The following H6PD variants were observed in gnomAD, a reference collection of about 807,000 sequenced individuals.
H6PD encodes hexose-6-phosphate dehydrogenase/glucose 1-dehydrogenase.
Under a neutral mutation model 61.2 loss-of-function variants are expected in H6PD, and 48 were observed. The observed-to-expected ratio is 0.78, with a 90% CI of 0.62 to 1.00. H6PD has a LOEUF of 1.00. H6PD is among the 50% of genes least tolerant of loss of function. The pLI is 0.00. For missense variants in H6PD, 1,093 were observed against 1,065.0 expected (o/e 1.03, Z -0.37); for synonymous variants, 480 against 457.9 (o/e 1.05, Z -0.62).
Position 9,265,000 on chromosome 1 carries a change from A to G in H6PD, c.*131A>G. ...ACCTTCTATCCCACAGTCAGGCCCCAGAGAGGGCAGGACAAGCCTTGTCCC... is the reference window on the plus strand; with the variant it reads ...ACCTTCTATCCCACAGTCAGGCCCCGGAGAGGGCAGGACAAGCCTTGTCCC... On this transcript the variant is annotated 3_prime_UTR_variant, in exon 5 of 5. Coordinates refer to ENST00000377403, the MANE Select transcript of H6PD (RefSeq NM_004285.4). 1 of 954,070 alleles carries G rather than the reference A, an allele frequency of 1.0e-6. No individual in the cohort carries two copies. The highest frequency in any genetic ancestry group is 1.6e-6 in the Non-Finnish European group (1 of 615,116). The allele number at this position is 954,070 out of a possible 1,614,324, so 59.1% of individuals were successfully genotyped here.
rs1007595191 is a variant in H6PD, at chr1:9,265,576, A to G, written c.*707A>G. ...CTTTGCTGTTCTTCAGACTCCATTT[A>G]TAGAGAATGAGGGCTGATAACAGGA... On this transcript the variant is annotated 3_prime_UTR_variant, in exon 5 of 5. Coordinates refer to ENST00000377403, the MANE Select transcript of H6PD (RefSeq NM_004285.4). 6.3e-6 allele frequency: 1 copy of G among 157,690 alleles called. No homozygotes were observed. Among genetic ancestry groups the G allele is most frequent in the Non-Finnish European group, 1.4e-5 (1 of 71,184 alleles). 9.8% of individuals were successfully genotyped at this position (157,690 alleles called of 1,614,324 possible). A position where few individuals can be genotyped will look rare whatever the true frequency, so the allele number is the denominator to read the frequency against.
At chr1:9,235,232 A>C (rs1010076825) in intron 1 of H6PD, among the ~76,000 whole-genome samples, 166 bp downstream of exon 1, 1 of 151,904 alleles carries the variant, frequency 6.6e-6, no homozygotes, top group Non-Finnish European at 1.5e-5. Context: ...GGCTCCCTCC[A>C]GGGTCGCCCC....
At chr1:9,261,989 G>A (rs1361461647) in intron 3 of H6PD, 70 bp from the exon 4 acceptor site, 6 of 1,508,734 alleles carry the variant, frequency 4.0e-6, no homozygotes, top group Non-Finnish European at 4.6e-6. Flanking sequence ...GGGTTTTGGT[G>A]CACCTCGGGG....
intron 1 of H6PD, among the ~76,000 whole-genome samples, chr1:9,242,042 C>CT (rs1557735595): frequency 6.6e-6 from 1 of 152,192 alleles, no homozygotes; most frequent in Non-Finnish European, 1.5e-5. Context: ...CCATTTGAGA[C>CT]TGTTTCGAAA....
chr1:9,247,016 C>G lies in H6PD; in HGVS notation c.678C>G (p.Asp226Glu). The G allele has an allele frequency of 6.2e-7, 1 of 1,613,982 alleles. No homozygotes were observed. The highest frequency in any genetic ancestry group is 8.5e-7 in the Non-Finnish European group (1 of 1,179,922). Residue 226 changes from aspartate (D) to glutamate (E), a missense_variant, in exon 3 of 5, where the codon GAC (aspartate) becomes GAG (glutamate). By Grantham distance (45) the Asp-to-Glu change is conservative (BLOSUM62 2). Transcript: ENST00000377403. ...PFRDQNRKAL[D>E]GLWNRHHVER... ...GAGACCAGAACCGCAAGGCTTTGGA[C>G]GGCCTCTGGAACCGGCACCATGTGG...
At chr1:9,262,421 A>T (rs1638352269) in intron 4 of H6PD, 93 bp downstream of exon 4, 2 of 1,203,942 alleles carry the variant, frequency 1.7e-6, no homozygotes, top group Admixed American at 4.1e-5. Flanking sequence ...AGTGGAGGGG[A>T]CTTGAGGTGG....
Position 9,265,069 on chromosome 1 carries a change from G to A in H6PD, c.*200G>A. 1 of 640,310 alleles carries A rather than the reference G, an allele frequency of 1.6e-6. No homozygotes were observed. Among genetic ancestry groups the A allele is most frequent in the Non-Finnish European group, 2.8e-6 (1 of 358,566 alleles). The allele number at this position is 640,310 out of a possible 1,614,324, so 39.7% of individuals were successfully genotyped here. A position where few individuals can be genotyped will look rare whatever the true frequency, so the allele number is the denominator to read the frequency against. ...CTCTGTGTATTGGTGGATAGATGCA[G>A]AAACAAGGAAGAAATGGAGTCTGCT... On this transcript the variant is annotated 3_prime_UTR_variant, in exon 5 of 5. Coordinates refer to ENST00000377403, the MANE Select transcript of H6PD (RefSeq NM_004285.4).
intron 3 of H6PD, among the ~76,000 whole-genome samples, chr1:9,259,633 A>G (rs1466655670): frequency 6.6e-6 from 1 of 151,378 alleles, no homozygotes. Flanking sequence ...TATTGCTGTT[A>G]TTAAGCTGGT....
chr1:9,248,203 C>T (rs918153237), intron 3 of H6PD, among the ~76,000 whole-genome samples: 5 of 152,238 alleles, frequency 3.3e-5, no homozygotes, highest in East Asian at 3.9e-4. Flanking sequence ...AGTGCGTGCC[C>T]GCCACAGGGC....
Position 9,265,323 on chromosome 1 carries a change from G to T in H6PD, c.*454G>T. On this transcript the variant is annotated 3_prime_UTR_variant, in exon 5 of 5. Transcript: ENST00000377403. ...GAGCATGATTGGTAGACAGAAGGGT[G>T]CAGAGGCGCCCAGGGGAGTACATTG... The T allele has an allele frequency of 3.0e-6, 1 of 331,528 alleles. No homozygotes were observed. Among genetic ancestry groups the T allele is most frequent in the South Asian group, 2.5e-5 (1 of 39,838 alleles). The allele number at this position is 331,528 out of a possible 1,614,324, so 20.5% of individuals were successfully genotyped here. A position where few individuals can be genotyped will look rare whatever the true frequency, so the allele number is the denominator to read the frequency against.
intron 3 of H6PD, among the ~76,000 whole-genome samples, chr1:9,248,780 C>T (rs185960226): frequency 3.5e-4 from 53 of 152,302 alleles, no homozygotes; most frequent in Non-Finnish European, 5.6e-4. Flanking sequence ...GGTTTCTCTA[C>T]TTCAGAACCC....
intron 4 of H6PD, among the ~76,000 whole-genome samples, chr1:9,262,554 G>A (rs1458735695): frequency 6.6e-6 from 1 of 152,224 alleles, no homozygotes; most frequent in Admixed American, 6.5e-5. Flanking sequence ...AATGGCCATG[G>A]CCTCGTGTCA....
Position 9,262,333 on chromosome 1 carries a change from G to T in H6PD, c.1015+5G>T. ...GCCTGACGCCGACCTTCGCAGGTGG[G>T]CCCTGGGGCTGGGCATGGGGCACTG... is the stretch of plus-strand genomic sequence containing the variant. On this transcript the variant is annotated splice_donor_5th_base_variant and intron_variant, in intron 4 of 4. Transcript: ENST00000377403. 2 of 1,596,794 alleles carry T rather than the reference G, an allele frequency of 1.3e-6. No homozygotes were observed. Among genetic ancestry groups the T allele is most frequent in the East Asian group, 2.3e-5 (1 of 44,102 alleles).
At position 9,270,830 on chromosome 1, in the gene H6PD, C is replaced by G. The variant is rs1638724852; in HGVS notation, c.*5961C>G. On this transcript the variant is annotated 3_prime_UTR_variant, in exon 5 of 5. Transcript: ENST00000377403. ...TGTGGGCATGAGAGCCACCCATTGC[C>G]AAGCAGCAAGAATGTTCGTGCTTTT... is the stretch of plus-strand genomic sequence containing the variant. 6.6e-6 allele frequency: 1 copy of G among 152,242 alleles called. No individual in the cohort carries two copies. The highest frequency in any genetic ancestry group is 6.5e-5 in the Admixed American group (1 of 15,284). 9.4% of individuals were successfully genotyped at this position (152,242 alleles called of 1,614,324 possible).
chr1:9,247,183 G>T, intron 3 of H6PD, 100 bp downstream of exon 3: 1 of 845,212 alleles, frequency 1.2e-6, no homozygotes, highest in Non-Finnish European at 2.1e-6. Flanking sequence ...TTCTGTGGGT[G>T]TGTGGTCTCC....
chr1:9,242,866 TCTC>T (rs1157397895), intron 1 of H6PD: 3 of 985,244 alleles, frequency 3.0e-6, no homozygotes, highest in Admixed American at 6.1e-5. Flanking sequence ...CCTTGCAGCT[TCTC>T]CTTCTCTCCA....
rs1445502389 is a variant in H6PD at position 9,264,059 on chromosome 1, T to C, written c.1566T>C (p.Phe522=). 4.3e-6 allele frequency: 7 copies of C among 1,614,014 alleles called. No individual in the cohort carries two copies. The highest frequency in any genetic ancestry group is 5.9e-6 in the Non-Finnish European group (7 of 1,180,042). ...DFEFSSGRLF[F]SQQQPEQLVP... Reference sequence around the variant, plus strand: ...AGTTCAGTAGCGGCCGGTTGTTCTTTTCCCAGCAGCAGCCGGAGCAGCTGG... The same window carrying C: ...AGTTCAGTAGCGGCCGGTTGTTCTTCTCCCAGCAGCAGCCGGAGCAGCTGG... Residue 522 remains phenylalanine (F), a synonymous_variant, in exon 5 of 5, where the codon TTT becomes TTC. Coordinates refer to ENST00000377403, the MANE Select transcript of H6PD (RefSeq NM_004285.4).
intron 4 of H6PD, 43 bp downstream of exon 4, chr1:9,262,371 C>G (rs374013252): frequency 6.5e-7 from 1 of 1,550,304 alleles, no homozygotes. Context: ...CTGCCCACTT[C>G]GCCGGGAGCA....
chr1:9,249,242 T>C (rs926332537), intron 3 of H6PD, among the ~76,000 whole-genome samples: 1 of 152,192 alleles, frequency 6.6e-6, no homozygotes, highest in Non-Finnish European at 1.5e-5. Context: ...CTTCTTGGTA[T>C]GTGGTGTCAT....
Sources: allele counts gnomAD v4.1 joint callset (sites outside exome capture counted in the v4.1 genomes callset), GRCh38; gene constraint gnomAD v4.1.1; transcripts MANE v1.5; gene names NCBI Gene and HGNC (gene_info 2026-07-23, HGNC 2026-07-21).